The following MBD5 variants were observed in gnomAD, a reference collection of about 807,000 sequenced individuals.
The protein encoded by MBD5 is methyl-CpG binding domain protein 5.
Under a neutral mutation model 117.3 loss-of-function variants are expected in MBD5, and 13 were observed. That is an observed-to-expected ratio of 0.11 (90% CI 0.07 to 0.18). MBD5 has a LOEUF of 0.18. MBD5 is among the 10% of genes least tolerant of loss of function. The pLI is 1.00. For missense variants in MBD5, 1,879 were observed against 2,093.8 expected, an observed-to-expected ratio of 0.90 and a Z score of 2.00; for synonymous variants, 727 against 766.4, an observed-to-expected ratio of 0.95 and a Z score of 0.85.
At position 148,425,436 on chromosome 2, in the gene MBD5, C is replaced by A. The variant is rs893708615; in HGVS notation, c.-556-32767C>A. On this transcript the variant is annotated intron_variant, in intron 4 of 13. Transcript: ENST00000642680. ...AAAAGTCCAGGACTAGACAGGTTCA[C>A]AGCCAAATTCTACCAGAGGTACAAA... Among the ~76,000 whole-genome samples, 3 of 152,196 alleles carry A rather than the reference C, an allele frequency of 2.0e-5. No homozygotes were observed. The East Asian group carries it at 5.8e-4, about 29-fold the overall frequency.
chr2:148,396,715 G>T (rs1017365402), intron 4 of MBD5, among the ~76,000 whole-genome samples: 34 of 152,180 alleles, frequency 2.2e-4, no homozygotes, highest in African/African-American at 8.2e-4. Context: ...ATTTGGAAAA[G>T]ATCAGAAGGT....
rs772681866 is a variant in MBD5 at position 148,510,024 on chromosome 2, T to C, written c.5037-36T>C. 5 of 1,481,196 alleles carry C rather than the reference T, an allele frequency of 3.4e-6. No homozygotes were observed. In the South Asian group the frequency reaches 3.4e-5, roughly 10 times the overall value. The allele number at this position is 1,481,196 out of a possible 1,614,324, so 91.8% of individuals were successfully genotyped here. A position where few individuals can be genotyped will look rare whatever the true frequency, so the allele number is the denominator to read the frequency against. ...ATTAAATTGAGTTTTGTTTCTTTAA[T>C]TTTTTAATCTGGTGTGTTGTTTTCA... On this transcript the variant is annotated intron_variant, in intron 12 of 13. Coordinates refer to ENST00000642680, the MANE Select transcript of MBD5 (RefSeq NM_001378120.1).
chr2:148,296,728 C>T (rs1295126198), intron 3 of MBD5: 2 of 153,292 alleles, frequency 1.3e-5, no homozygotes, highest in Non-Finnish European at 2.9e-5. Flanking sequence ...CAAACCCACA[C>T]ACCAAACCTG....
At chr2:148,493,153 G>A (rs4265953) in intron 11 of MBD5, among the ~76,000 whole-genome samples, 23 of 152,006 alleles carry the variant, frequency 1.5e-4, no homozygotes, top group African/African-American at 4.6e-4. Flanking sequence ...TTCTCATTCC[G>A]CCTTGCTAAT....
At chr2:148,169,304 A>G (rs1698201736) in intron 1 of MBD5, among the ~76,000 whole-genome samples, 1 of 152,152 alleles carries the variant, frequency 6.6e-6, no homozygotes, top group Non-Finnish European at 1.5e-5. Context: ...TTTTGAAGTC[A>G]GGGAGAAACT....
chr2:148,249,497 T>C (rs1433103429), intron 3 of MBD5, among the ~76,000 whole-genome samples: 1 of 152,164 alleles, frequency 6.6e-6, no homozygotes, highest in Non-Finnish European at 1.5e-5. Context: ...CATATCTTTT[T>C]CTCTACCCCC....
intron 3 of MBD5, among the ~76,000 whole-genome samples, chr2:148,292,218 A>T (rs1179355384): frequency 2.0e-5 from 3 of 152,234 alleles, no homozygotes; most frequent in Non-Finnish European, 4.4e-5. Context: ...GACAAGTGGG[A>T]TCACATTAAG....
intron 2 of MBD5, among the ~76,000 whole-genome samples, chr2:148,231,383 C>G (rs1304364479): frequency 6.6e-6 from 1 of 152,156 alleles, no homozygotes; most frequent in Non-Finnish European, 1.5e-5. Flanking sequence ...CTCCCTGTCT[C>G]CAGCACACCA....
intron 1 of MBD5, among the ~76,000 whole-genome samples, chr2:148,074,480 GTTTGTTTTTTT>G (rs1360922070): frequency 5.7e-5 from 7 of 123,478 alleles, no homozygotes; most frequent in African/African-American, 2.3e-4. Flanking sequence ...CAAAGGAATA[GTTTGTTTTTTT>G]TTTGTTTTTT....
chr2:148,359,509 A>G, intron 4 of MBD5, among the ~76,000 whole-genome samples: 1 of 152,258 alleles, frequency 6.6e-6, no homozygotes, highest in Non-Finnish European at 1.5e-5. Flanking sequence ...TTAAAAGGGC[A>G]CTATTGCCAA....
chr2:148,513,020 C>T lies in MBD5; in HGVS notation c.*79C>T, dbSNP rs1682264747. On this transcript the variant is annotated 3_prime_UTR_variant, in exon 14 of 14. Transcript: ENST00000642680. ...ATCTGTATATAGGTATTGATATAGC[C>T]ACAGTTATATCAATATTTAGACTAT... 3.4e-5 allele frequency: 43 copies of T among 1,272,086 alleles called. No individual in the cohort carries two copies. The South Asian group carries it at 5.1e-4, about 15-fold the overall frequency. 78.8% of individuals were successfully genotyped at this position (1,272,086 alleles called of 1,614,324 possible). A position where few individuals can be genotyped will look rare whatever the true frequency, so the allele number is the denominator to read the frequency against.
intron 3 of MBD5, among the ~76,000 whole-genome samples, chr2:148,242,051 T>C (rs1700226156): frequency 2.0e-5 from 3 of 152,222 alleles, no homozygotes; most frequent in Admixed American, 6.5e-5. Context: ...CTGGTTCTGC[T>C]GTTTATTACT....
At chr2:148,362,689 T>C (rs1449211574) in intron 4 of MBD5, among the ~76,000 whole-genome samples, 1 of 152,184 alleles carries the variant, frequency 6.6e-6, no homozygotes, top group Non-Finnish European at 1.5e-5. Context: ...GCCTCCTGAC[T>C]GGGAGACACT....
chr2:148,148,141 C>T (rs982069592), intron 1 of MBD5, among the ~76,000 whole-genome samples: 1 of 152,150 alleles, frequency 6.6e-6, no homozygotes, highest in Non-Finnish European at 1.5e-5. Context: ...GCAATGGTTA[C>T]ATAAAGGCAG....
At chr2:148,305,972 CTA>C (rs1309746804) in intron 3 of MBD5, among the ~76,000 whole-genome samples, 2 of 152,196 alleles carry the variant, frequency 1.3e-5, no homozygotes, top group Non-Finnish European at 2.9e-5. Flanking sequence ...CAAAATAAAT[CTA>C]GTGTCATTAG....
intron 4 of MBD5, among the ~76,000 whole-genome samples, chr2:148,394,419 G>T (rs1376772553): frequency 6.6e-6 from 1 of 150,794 alleles, no homozygotes; most frequent in Non-Finnish European, 1.5e-5. Context: ...ATATTTTTCT[G>T]GGAATTCATA....
At chr2:148,344,193 A>G (rs987747700) in intron 4 of MBD5, among the ~76,000 whole-genome samples, 2 of 152,102 alleles carry the variant, frequency 1.3e-5, no homozygotes, top group African/African-American at 4.8e-5. Context: ...TTATACCAGT[A>G]CCATGCTCTT....
intron 3 of MBD5, among the ~76,000 whole-genome samples, chr2:148,326,639 T>C (rs1238492596): frequency 1.3e-5 from 2 of 152,058 alleles, no homozygotes; most frequent in East Asian, 1.9e-4. Context: ...GTCTGTTTTA[T>C]CAGAGACTAG....
intron 11 of MBD5, among the ~76,000 whole-genome samples, chr2:148,496,044 T>C (rs1681692926): frequency 6.6e-6 from 1 of 152,274 alleles, no homozygotes; most frequent in African/African-American, 2.4e-5. Flanking sequence ...CAGTGTTAGC[T>C]GTTTGTATTC....
Sources: gnomAD v4.1 joint callset for allele counts (sites outside exome capture counted in the v4.1 genomes callset) on GRCh38, gnomAD v4.1.1 for gene constraint, MANE v1.5 for transcripts, NCBI Gene and HGNC (gene_info 2026-07-23, HGNC 2026-07-21) for gene names.